ZNF385B: variants seen among roughly 807,000 people sequenced by gnomAD.
ZNF385B encodes the protein zinc finger protein 533.
ZNF385B carries 23 observed loss-of-function variants against 39.2 expected under a neutral mutation model. The ratio of observed to expected loss-of-function variants is 0.59; its 90% CI spans 0.42 to 0.83. The LOEUF is 0.83. Among genes scored for constraint, ZNF385B ranks in the 40% least tolerant of loss-of-function variants. The probability of loss-of-function intolerance (pLI) is 0.00; values close to 1 mark genes in which losing one functional copy is unlikely to be tolerated. For missense variants in ZNF385B, 552 were observed against 598.9 expected (o/e 0.92, Z 0.82); for synonymous variants, 205 against 222.6 (o/e 0.92, Z 0.70).
chr2:179,735,019 A>C (rs531495512), intron 3 of ZNF385B, among the ~76,000 whole-genome samples: 2 of 151,514 alleles, frequency 1.3e-5, no homozygotes, highest in Non-Finnish European at 2.9e-5. Flanking sequence ...ACAAAAGCCA[A>C]AATTGACAAA....
rs551091309 is a variant in ZNF385B, at chr2:179,478,265, A to T, written c.715+5007T>A. ...ATATCCAACAATGACAATAAAAAAC[A>T]TCACTAGGTTGAAAGTTTTTGAGGG... On this transcript the variant is annotated intron_variant, in intron 6 of 9. Transcript: ENST00000410066. Among the ~76,000 whole-genome samples, 4 of 145,886 alleles carry T rather than the reference A, an allele frequency of 2.7e-5. No homozygotes were observed. The East Asian group carries it at 8.5e-4, about 31-fold the overall frequency.
intron 3 of ZNF385B, among the ~76,000 whole-genome samples, chr2:179,622,845 G>A (rs1455943425): frequency 2.0e-5 from 3 of 152,088 alleles, no homozygotes; most frequent in African/African-American, 7.2e-5. Flanking sequence ...TGGCTGGCAG[G>A]GTGCCTAGCA....
chr2:179,525,069 T>G (rs2058803111), intron 4 of ZNF385B, among the ~76,000 whole-genome samples: 1 of 152,098 alleles, frequency 6.6e-6, no homozygotes, highest in Admixed American at 6.5e-5. Flanking sequence ...TTTGAGAGGT[T>G]CAATAATGAA....
At chr2:179,568,305 G>A (rs1684823242) in intron 3 of ZNF385B, among the ~76,000 whole-genome samples, 1 of 152,000 alleles carries the variant, frequency 6.6e-6, no homozygotes, top group African/African-American at 2.4e-5. Flanking sequence ...TTACTTCATG[G>A]CACTTACTTG....
chr2:179,527,937 G>A (rs956314741), intron 4 of ZNF385B, among the ~76,000 whole-genome samples: 1 of 147,290 alleles, frequency 6.8e-6, no homozygotes, highest in African/African-American at 2.6e-5. Context: ...AAGTAGCATT[G>A]AAAAATAAAA....
chr2:179,649,268 A>G (rs1044700132), intron 3 of ZNF385B, among the ~76,000 whole-genome samples: 4 of 152,200 alleles, frequency 2.6e-5, no homozygotes, highest in African/African-American at 9.6e-5. Flanking sequence ...AGGCATGACA[A>G]TGACACATAA....
At chr2:179,739,393 G>A (rs575068045) in intron 3 of ZNF385B, among the ~76,000 whole-genome samples, 2 of 152,284 alleles carry the variant, frequency 1.3e-5, no homozygotes, top group African/African-American at 4.8e-5. Flanking sequence ...GGGATATAAA[G>A]CACTGCCAAG....
chr2:179,742,264 C>T (rs1702129007), intron 3 of ZNF385B, among the ~76,000 whole-genome samples: 1 of 151,982 alleles, frequency 6.6e-6, no homozygotes, highest in Non-Finnish European at 1.5e-5. Context: ...CAGGCATAAA[C>T]CCTAACAGTT....
At chr2:179,487,982 G>T (rs369997156) in intron 5 of ZNF385B, among the ~76,000 whole-genome samples, 3 of 152,154 alleles carry the variant, frequency 2.0e-5, no homozygotes, top group Admixed American at 6.5e-5. Context: ...TGTTGCTAAA[G>T]CTCTTCACTT....
intron 5 of ZNF385B, among the ~76,000 whole-genome samples, chr2:179,505,052 G>A (rs1337643849): frequency 6.6e-6 from 1 of 152,018 alleles, no homozygotes; most frequent in Non-Finnish European, 1.5e-5. Context: ...CAAAACTTTA[G>A]GAACAGCCAA....
At chr2:179,591,424 C>T (rs183905533) in intron 3 of ZNF385B, among the ~76,000 whole-genome samples, 9 of 152,164 alleles carry the variant, frequency 5.9e-5, no homozygotes, top group African/African-American at 2.2e-4. Context: ...GTATATGACT[C>T]CCAAGCAGTA....
At chr2:179,732,814 C>T (rs964128313) in intron 3 of ZNF385B, among the ~76,000 whole-genome samples, 16 of 152,128 alleles carry the variant, frequency 1.1e-4, no homozygotes, top group Non-Finnish European at 1.8e-4. Flanking sequence ...AAAAACAACA[C>T]GGTGAGCTCA....
At chr2:179,521,352 A>AGTTTT (rs1553594639) in intron 4 of ZNF385B, among the ~76,000 whole-genome samples, 2 of 34,542 alleles carry the variant, frequency 5.8e-5, no homozygotes. Flanking sequence ...GCACCTGGCC[A>AGTTTT]GTTTTTTTTT....
intron 1 of ZNF385B, among the ~76,000 whole-genome samples, chr2:179,790,890 A>G (rs1252785043): frequency 2.6e-5 from 4 of 152,194 alleles, no homozygotes; most frequent in African/African-American, 9.6e-5. Context: ...CTTTTCTTAG[A>G]GGGGAAAATT....
chr2:179,452,545 G>C (rs2050259874), intron 6 of ZNF385B, among the ~76,000 whole-genome samples: 1 of 151,900 alleles, frequency 6.6e-6, no homozygotes. Flanking sequence ...CTACAATGTA[G>C]GTCCTATATT....
intron 3 of ZNF385B, among the ~76,000 whole-genome samples, chr2:179,641,939 GAAC>G (rs1436077929): frequency 6.6e-6 from 1 of 152,082 alleles, no homozygotes; most frequent in Non-Finnish European, 1.5e-5. Flanking sequence ...GCATGTGTGG[GAAC>G]AACGTGTGGC....
chr2:179,809,206 A>G (rs1420885906), intron 1 of ZNF385B, among the ~76,000 whole-genome samples: 1 of 152,174 alleles, frequency 6.6e-6, no homozygotes, highest in Non-Finnish European at 1.5e-5. Context: ...AAGTTTCAGG[A>G]AAAAGTAATC....
chr2:179,572,609 C>T (rs1224844197), intron 3 of ZNF385B, among the ~76,000 whole-genome samples: 1 of 152,102 alleles, frequency 6.6e-6, no homozygotes, highest in Non-Finnish European at 1.5e-5. Context: ...GGCTAATATC[C>T]AATGGACTAT....
At chr2:179,661,347 A>G (rs1476466772) in intron 3 of ZNF385B, among the ~76,000 whole-genome samples, 3 of 152,222 alleles carry the variant, frequency 2.0e-5, no homozygotes, top group Admixed American at 6.5e-5. Flanking sequence ...CATCAAATAT[A>G]TGTATATTCC....
Sources: gnomAD v4.1 joint callset for allele counts (sites outside exome capture counted in the v4.1 genomes callset) on GRCh38, gnomAD v4.1.1 for gene constraint, MANE v1.5 for transcripts, NCBI Gene and HGNC (gene_info 2026-07-23, HGNC 2026-07-21) for gene names.